The following TENM4 variants were observed in gnomAD, a reference collection of about 807,000 sequenced individuals.
TENM4 encodes teneurin transmembrane protein 4.
TENM4 carries 82 observed loss-of-function variants against 243.3 expected under a neutral mutation model. The observed-to-expected ratio is 0.34, with a 90% CI of 0.28 to 0.40. The LOEUF (loss-of-function observed/expected upper bound fraction) is 0.40. Ranked by LOEUF, TENM4 falls within the 10% of genes least tolerant of loss-of-function variation. The pLI is 1.00. For missense variants in TENM4, 3,138 were observed against 3,673.3 expected (o/e 0.85, Z 3.77); for synonymous variants, 1,412 against 1,456.3 (o/e 0.97, Z 0.69).
chr11:78,661,694 G>A lies in TENM4; in HGVS notation c.7409-103C>T. ...CAGTTAGCTGCAGGGTGTGGTGAGG[G>A]TGTGGATTGCTGCTGGTGGGAGAGT... On this transcript the variant is annotated intron_variant, in intron 32 of 33. Transcript: ENST00000278550. The A allele has an allele frequency of 2.8e-6, 4 of 1,449,630 alleles. No homozygotes were observed. The South Asian group carries it at 4.0e-5, about 15-fold the overall frequency. 89.8% of individuals were successfully genotyped at this position (1,449,630 alleles called of 1,614,324 possible). A position where few individuals can be genotyped will look rare whatever the true frequency, so the allele number is the denominator to read the frequency against.
intron 6 of TENM4, among the ~76,000 whole-genome samples, chr11:78,911,067 T>C (rs1010670070): frequency 6.6e-6 from 1 of 152,336 alleles, no homozygotes; most frequent in South Asian, 2.1e-4. Flanking sequence ...GATTATTAAA[T>C]TGCTTTGCAT....
At chr11:79,279,253 C>G (rs1856113365) in intron 2 of TENM4, among the ~76,000 whole-genome samples, 3 of 152,148 alleles carry the variant, frequency 2.0e-5, no homozygotes, top group Admixed American at 2.0e-4. Flanking sequence ...TCACCTTCTT[C>G]CCAGAAGGCC....
At chr11:79,175,413 G>C (rs1032622531) in intron 3 of TENM4, among the ~76,000 whole-genome samples, 1 of 152,110 alleles carries the variant, frequency 6.6e-6, no homozygotes, top group Non-Finnish European at 1.5e-5. Context: ...GTATTGAATA[G>C]AAGAATAAAT....
At chr11:79,307,671 C>T (rs941997604) in intron 1 of TENM4, among the ~76,000 whole-genome samples, 1 of 152,176 alleles carries the variant, frequency 6.6e-6, no homozygotes, top group Non-Finnish European at 1.5e-5. Context: ...TCCTTTTGCT[C>T]GCCATTCTTT....
intron 3 of TENM4, among the ~76,000 whole-genome samples, chr11:79,185,348 AAAC>A (rs1314139848): frequency 6.6e-6 from 1 of 152,194 alleles, no homozygotes; most frequent in Non-Finnish European, 1.5e-5. Context: ...CCAAAACAAA[AAAC>A]AGCAACAACA....
intron 6 of TENM4, among the ~76,000 whole-genome samples, chr11:79,056,291 A>G (rs1859941767): frequency 6.6e-6 from 1 of 152,078 alleles, no homozygotes; most frequent in Admixed American, 6.6e-5. Context: ...CGGGAATGCA[A>G]TCTGTCTTAA....
intron 12 of TENM4, among the ~76,000 whole-genome samples, chr11:78,826,992 T>C (rs1483679346): frequency 6.6e-5 from 10 of 152,192 alleles, no homozygotes; most frequent in Non-Finnish European, 2.9e-5. Flanking sequence ...TTTCTAAAAG[T>C]CACTTATTTG....
intron 1 of TENM4, among the ~76,000 whole-genome samples, chr11:79,372,490 C>T (rs1486699820): frequency 6.6e-6 from 1 of 152,100 alleles, no homozygotes; most frequent in Non-Finnish European, 1.5e-5. Context: ...GGAGATGGAG[C>T]TTATCTCTCA....
intron 6 of TENM4, among the ~76,000 whole-genome samples, chr11:78,976,030 A>G (rs1037239833): frequency 2.0e-5 from 3 of 152,206 alleles, no homozygotes; most frequent in African/African-American, 7.2e-5. Context: ...GCTGAACCCT[A>G]TGCCCACATG....
Position 79,215,197 on chromosome 11 carries a change from C to T in TENM4, c.-163+611G>A, listed in dbSNP as rs149503638. Among the ~76,000 whole-genome samples the T allele has an allele frequency of 1.8e-4, 28 of 152,290 alleles. No homozygotes were observed. In the East Asian group the frequency reaches 2.1e-3, roughly 12 times the overall value. ...ATGTTCCTCCTCTAGCTTGAAACAT[C>T]TTCCACTTTTCCCATAGAATCCAGG... On this transcript the variant is annotated intron_variant, in intron 3 of 33. Transcript: ENST00000278550.
chr11:78,883,464 CA>C (rs1282729698), intron 9 of TENM4, among the ~76,000 whole-genome samples: 1 of 152,320 alleles, frequency 6.6e-6, no homozygotes, highest in African/African-American at 2.4e-5. Context: ...AGAGAAATCA[CA>C]GAAAATGGCG....
chr11:79,270,802 G>A (rs1855955634), intron 2 of TENM4, among the ~76,000 whole-genome samples: 1 of 152,144 alleles, frequency 6.6e-6, no homozygotes, highest in Non-Finnish European at 1.5e-5. Flanking sequence ...TGTATAATTT[G>A]CAGGGCAGTT....
rs1368014038 is a variant in TENM4 at position 78,855,978 on chromosome 11, G to A, written c.1456C>T (p.Pro486Ser). ...GTTCTGGTTACCTGTGTATGTGAAG[G>A]AGGGAGGCCTTTTCTGCCATAAATG... ...VGIYGRKGLP[P>S]SHTQFDFVEL... The change falls in exon 11 of 34, where the codon CCT becomes TCT. Residue 486 changes from proline to serine, a missense_variant. Coordinates refer to ENST00000278550, the MANE Select transcript of TENM4 (RefSeq NM_001098816.3). 1 of 1,551,534 alleles carries A rather than the reference G, an allele frequency of 6.4e-7. No individual in the cohort carries two copies. The highest frequency in any genetic ancestry group is 8.7e-7 in the Non-Finnish European group (1 of 1,146,988).
At chr11:78,800,514 C>T (rs1459857901) in intron 15 of TENM4, among the ~76,000 whole-genome samples, 8 of 152,010 alleles carry the variant, frequency 5.3e-5, no homozygotes, top group African/African-American at 1.7e-4. Context: ...AGGTGGAGTC[C>T]TGAGAGAAGG....
chr11:78,786,385 G>A (rs1319369708), intron 16 of TENM4, among the ~76,000 whole-genome samples: 2 of 152,232 alleles, frequency 1.3e-5, no homozygotes, highest in African/African-American at 4.8e-5. Context: ...GGGCATGGAG[G>A]GCTCAGAGCT....
chr11:79,322,828 T>A (rs953890298), intron 1 of TENM4, among the ~76,000 whole-genome samples: 38 of 152,242 alleles, frequency 2.5e-4, no homozygotes, highest in Non-Finnish European at 5.9e-5. Context: ...TGGAGAGGCA[T>A]ATTTATTCTT....
intron 6 of TENM4, among the ~76,000 whole-genome samples, chr11:78,940,305 A>G (rs1856863613): frequency 1.3e-5 from 2 of 152,260 alleles, no homozygotes; most frequent in Non-Finnish European, 2.9e-5. Flanking sequence ...TATTTTACCA[A>G]CCTCCTACTA....
chr11:79,419,630 A>C (rs1175771930), intron 1 of TENM4, among the ~76,000 whole-genome samples: 1 of 152,250 alleles, frequency 6.6e-6, no homozygotes, highest in Non-Finnish European at 1.5e-5. Context: ...GCCATGGGTC[A>C]CGTTGCTTGA....
At chr11:78,984,178 CTT>C (rs2136637578) in intron 6 of TENM4, among the ~76,000 whole-genome samples, 1 of 152,268 alleles carries the variant, frequency 6.6e-6, no homozygotes, top group Admixed American at 6.5e-5. Flanking sequence ...TAATAGGTGA[CTT>C]AATCTCTCTG....
Sources: allele counts gnomAD v4.1 joint callset (sites outside exome capture counted in the v4.1 genomes callset), GRCh38; gene constraint gnomAD v4.1.1; transcripts MANE v1.5; gene names NCBI Gene and HGNC (gene_info 2026-07-23, HGNC 2026-07-21).